Variants in NREP observed in about 807,000 individuals in gnomAD.
NREP encodes neuronal regeneration-related protein.
A neutral mutation model predicts 8.6 loss-of-function variants in NREP; 5 were observed. The ratio of observed to expected loss-of-function variants is 0.58; its 90% CI spans 0.30 to 1.22. The LOEUF is 1.22. NREP is among the 50% of genes most tolerant of loss of function. The pLI is 0.07. For missense variants in NREP, 86 were observed against 82.5 expected, an observed-to-expected ratio of 1.04 and a Z score of -0.17; for synonymous variants, 27 against 28.0, an observed-to-expected ratio of 0.96 and a Z score of 0.11.
chr5:111,905,955 G>A (rs1431275089), intron 2 of NREP, among the ~76,000 whole-genome samples: 2 of 151,774 alleles, frequency 1.3e-5, no homozygotes, highest in Non-Finnish European at 2.9e-5. Flanking sequence ...TTTTTGAAGT[G>A]GTAAAGTTGA....
intron 2 of NREP, among the ~76,000 whole-genome samples, chr5:111,768,310 T>C (rs1035225219): frequency 6.6e-6 from 1 of 152,182 alleles, no homozygotes; most frequent in Non-Finnish European, 1.5e-5. Context: ...GTTTGATTTG[T>C]TTTGGAAGCA....
At chr5:111,753,753 G>A (rs1370651221) in intron 2 of NREP, among the ~76,000 whole-genome samples, 2 of 152,040 alleles carry the variant, frequency 1.3e-5, no homozygotes, top group African/African-American at 4.8e-5. Flanking sequence ...CTGTATGTGG[G>A]CTAAGTCTTC....
chr5:111,829,082 G>C (rs917650176), intron 2 of NREP, among the ~76,000 whole-genome samples: 1 of 151,818 alleles, frequency 6.6e-6, no homozygotes, highest in African/African-American at 2.4e-5. Context: ...CATCATGAAA[G>C]AGCATAGTGT....
At chr5:111,885,422 T>C (rs1754215061) in intron 2 of NREP, among the ~76,000 whole-genome samples, 1 of 151,426 alleles carries the variant, frequency 6.6e-6, no homozygotes, top group African/African-American at 2.4e-5. Flanking sequence ...ATAGATTCAA[T>C]GCCATCCCCA....
intron 2 of NREP, among the ~76,000 whole-genome samples, chr5:111,763,069 C>T (rs1751001453): frequency 1.3e-5 from 2 of 152,196 alleles, no homozygotes; most frequent in African/African-American, 2.4e-5. Flanking sequence ...AACCGATTTA[C>T]AATTGACCCT....
At chr5:111,881,035 C>T (rs541948241) in intron 2 of NREP, among the ~76,000 whole-genome samples, 8 of 152,208 alleles carry the variant, frequency 5.3e-5, no homozygotes, top group African/African-American at 1.7e-4. Flanking sequence ...TTGCCTCACT[C>T]GGGAAGCGTA....
chr5:111,779,422 G>C (rs1751440196), intron 2 of NREP, among the ~76,000 whole-genome samples: 1 of 152,140 alleles, frequency 6.6e-6, no homozygotes, highest in Non-Finnish European at 1.5e-5. Context: ...TTTAGCTACT[G>C]TCTGTTAGTC....
chr5:111,753,187 T>G lies in NREP; in HGVS notation c.3+2583A>C, dbSNP rs556916266. ...AGCAAACTATACTCAAAACTGACACTTTTAACAGTACTCTTGAGTTGCACA... is the reference window on the plus strand; with the variant it reads ...AGCAAACTATACTCAAAACTGACACGTTTAACAGTACTCTTGAGTTGCACA... On this transcript the variant is annotated intron_variant, in intron 2 of 3. Transcript: ENST00000257435. 4.0e-5 allele frequency among the ~76,000 whole-genome samples: 6 copies of G among 151,856 alleles called. No individual in the cohort carries two copies. The East Asian group carries it at 1.2e-3, about 29-fold the overall frequency.
chr5:111,828,434 A>G (rs1752680851), intron 2 of NREP, among the ~76,000 whole-genome samples: 1 of 152,166 alleles, frequency 6.6e-6, no homozygotes, highest in African/African-American at 2.4e-5. Flanking sequence ...TAAGAGTATT[A>G]TAGAAAAAAA....
intron 2 of NREP, among the ~76,000 whole-genome samples, chr5:111,859,462 A>G (rs1753497175): frequency 6.6e-6 from 1 of 152,148 alleles, no homozygotes; most frequent in Admixed American, 6.6e-5. Context: ...AGAGTGTGCC[A>G]GGGCAGCTCT....
intron 2 of NREP, among the ~76,000 whole-genome samples, chr5:111,949,200 G>A (rs1344245288): frequency 6.6e-6 from 1 of 152,034 alleles, no homozygotes; most frequent in African/African-American, 2.4e-5. Context: ...CACAAATGCT[G>A]TCATGTTAAA....
chr5:111,753,198 C>A (rs773744707), intron 2 of NREP, among the ~76,000 whole-genome samples: 2 of 151,814 alleles, frequency 1.3e-5, no homozygotes, highest in South Asian at 4.2e-4. Flanking sequence ...TTTAACAGTA[C>A]TCTTGAGTTG....
At chr5:111,821,318 T>C (rs1057031774) in intron 2 of NREP, among the ~76,000 whole-genome samples, 10 of 152,120 alleles carry the variant, frequency 6.6e-5, no homozygotes, top group African/African-American at 2.4e-4. Flanking sequence ...ATCTGAAATG[T>C]AGCTCCAGAC....
At chr5:111,882,365 G>A (rs929297507) in intron 2 of NREP, among the ~76,000 whole-genome samples, 5 of 152,216 alleles carry the variant, frequency 3.3e-5, no homozygotes, top group African/African-American at 1.2e-4. Context: ...TGGTGTACCT[G>A]AAAGTGACGG....
At chr5:111,829,900 A>G (rs1752722978) in intron 2 of NREP, among the ~76,000 whole-genome samples, 1 of 152,204 alleles carries the variant, frequency 6.6e-6, no homozygotes, top group African/African-American at 2.4e-5. Flanking sequence ...GGTATTGACT[A>G]CTATACCAGC....
chr5:111,966,758 C>G (rs1378676403), intron 2 of NREP, among the ~76,000 whole-genome samples: 2 of 152,272 alleles, frequency 1.3e-5, no homozygotes, highest in Non-Finnish European at 1.5e-5. Context: ...TTATTTTAAA[C>G]AAGTAATAAA....
intron 2 of NREP, among the ~76,000 whole-genome samples, chr5:111,877,311 T>C (rs1753932672): frequency 6.6e-6 from 1 of 152,240 alleles, no homozygotes; most frequent in Admixed American, 6.5e-5. Context: ...AATCCTTTGT[T>C]CATTCTTTCT....
Position 111,839,489 on chromosome 5 carries a change from T to C in NREP, c.136-103982A>G, listed in dbSNP as rs368468600. The stretch of plus-strand genomic sequence containing the variant: ...CTGTATTGTTTTCTTAAGAGTGCAG[T>C]TGTCCTGGTCAGGTTACAGTATGTT... On this transcript the variant is annotated intron_variant, in intron 2 of 3. Coordinates refer to the NREP transcript ENST00000395634. 3.2e-4 allele frequency among the ~76,000 whole-genome samples: 48 copies of C among 152,236 alleles called. No individual in the cohort carries two copies. In the East Asian group the frequency reaches 6.9e-3, roughly 22 times the overall value.
chr5:111,895,210 T>C (rs1487493653), intron 2 of NREP, among the ~76,000 whole-genome samples: 2 of 152,182 alleles, frequency 1.3e-5, no homozygotes, highest in African/African-American at 4.8e-5. Flanking sequence ...TGCTACACCC[T>C]TTAGAGATTG....
Sources: gnomAD v4.1 joint callset for allele counts (sites outside exome capture counted in the v4.1 genomes callset) on GRCh38, gnomAD v4.1.1 for gene constraint, MANE v1.5 for transcripts, NCBI Gene and HGNC (gene_info 2026-07-23, HGNC 2026-07-21) for gene names.